Variants in CTC1 observed in about 807,000 individuals in gnomAD.
CTC1 encodes the protein CST complex subunit CTC1.
Under a neutral mutation model 136.3 loss-of-function variants are expected in CTC1, and 91 were observed. The observed-to-expected ratio is 0.67, with a 90% CI of 0.56 to 0.79. The LOEUF (loss-of-function observed/expected upper bound fraction) is 0.79, where lower values mean the gene tolerates loss of function less well. CTC1 is among the 30% of genes least tolerant of loss of function. CTC1 has a pLI of 0.00. For synonymous variants in CTC1, 606 were observed against 613.8 expected (o/e 0.99, Z 0.19); for missense variants, 1,432 against 1,498.1 (o/e 0.96, Z 0.73).
In CTC1 at chr17:8,226,193, A is replaced by T. The variant is rs774432083; in HGVS notation, c.*1987T>A. 6.6e-6 allele frequency: 1 copy of T among 152,228 alleles called. No individual in the cohort carries two copies. The highest frequency in any genetic ancestry group is 2.4e-5 in the African/African-American group (1 of 41,446). The allele number at this position is 152,228 out of a possible 1,614,324, so 9.4% of individuals were successfully genotyped here. A position where few individuals can be genotyped will look rare whatever the true frequency, so the allele number is the denominator to read the frequency against. On this transcript the variant is annotated 3_prime_UTR_variant, in exon 23 of 23. Coordinates refer to ENST00000651323, the MANE Select transcript of CTC1 (RefSeq NM_025099.6). ...TGATATAAAAACAATACATGAAAGG[A>T]TGTGGATTTAGCCGCAAAATCACGC...
chr17:8,229,822 G>A (rs1987054439), intron 18 of CTC1, 69 bp downstream of exon 18: 1 of 1,342,366 alleles, frequency 7.4e-7, no homozygotes, highest in Non-Finnish European at 1.1e-6. Flanking sequence ...AAAATCTTCA[G>A]AACCAGGGAC....
In CTC1 at chr17:8,230,486, G is replaced by A. The variant is rs751836178; in HGVS notation, c.2759-18C>T. 5.0e-6 allele frequency: 8 copies of A among 1,613,682 alleles called. No homozygotes were observed. In the East Asian group the frequency reaches 1.8e-4, roughly 36 times the overall value. On this transcript the variant is annotated intron_variant, in intron 16 of 22. Coordinates refer to ENST00000651323, the MANE Select transcript of CTC1 (RefSeq NM_025099.6). ...CGTGTTCCCTATAGAAGGAAGGTGG[G>A]TGTTAGTAGGATCTGTGAAGTCCAC...
At position 8,229,224 on chromosome 17, in the gene CTC1, G is replaced by A. The variant is rs759852414; in HGVS notation, c.3157-18C>T. The A allele has an allele frequency of 4.3e-5, 70 of 1,614,084 alleles. 1 individual carries two copies. The South Asian group carries it at 7.5e-4, about 17-fold the overall frequency. ...CACTTTCCCTGGGATGAAGACAGTG[G>A]TTGGAAAAGTCCTCTTGGTCCCATC... On this transcript the variant is annotated intron_variant, in intron 19 of 22. Transcript: ENST00000651323.
In CTC1 at chr17:8,244,164, T is replaced by G. The variant is rs538283784; in HGVS notation, c.34-1016A>C. Among the ~76,000 whole-genome samples the G allele has an allele frequency of 3.3e-4, 50 of 152,332 alleles. No homozygotes were observed. The South Asian group carries it at 5.0e-3, about 15-fold the overall frequency. ...ACATAAAAAGGACATAGGCAGAGTATAATTTTTAATCATCTCCTTTTTTTA... is the reference window on the plus strand; with the variant it reads ...ACATAAAAAGGACATAGGCAGAGTAGAATTTTTAATCATCTCCTTTTTTTA... On this transcript the variant is annotated intron_variant, in intron 1 of 22. Transcript: ENST00000651323.
intron 2 of CTC1, among the ~76,000 whole-genome samples, chr17:8,242,214 G>C (rs1042249454): frequency 4.6e-5 from 7 of 151,610 alleles, no homozygotes; most frequent in African/African-American, 1.7e-4. Context: ...ATTTTTTTTA[G>C]TAGAGATGGT....
chr17:8,243,234 T>A (rs892940578), intron 1 of CTC1, 86 bp from the exon 2 acceptor site: 1 of 1,342,554 alleles, frequency 7.4e-7, no homozygotes, highest in East Asian at 2.5e-5. Context: ...GAAAAAAATA[T>A]CCGGGCCGGG....
rs749988882 is a variant in CTC1 at position 8,228,149 on chromosome 17, G to T, written c.*31C>A. ...CCTAGGCCTTCAGGTTTTCAGCAAG[G>T]AAGGACTCTCAGGCCATCCTTGCAG... is the stretch of plus-strand genomic sequence containing the variant. On this transcript the variant is annotated 3_prime_UTR_variant, in exon 23 of 23. Coordinates refer to ENST00000651323, the MANE Select transcript of CTC1 (RefSeq NM_025099.6). The T allele has an allele frequency of 1.2e-6, 2 of 1,605,024 alleles. No individual in the cohort carries two copies. Among genetic ancestry groups the T allele is most frequent in the Non-Finnish European group, 1.7e-6 (2 of 1,172,476 alleles).
chr17:8,238,082 G>T lies in CTC1; in HGVS notation c.596C>A (p.Thr199Lys), dbSNP rs747323535. 2 of 1,614,044 alleles carry T rather than the reference G, an allele frequency of 1.2e-6. No homozygotes were observed. Among genetic ancestry groups the T allele is most frequent in the South Asian group, 2.2e-5 (2 of 91,084 alleles). The part of the protein sequence containing the change: ...FPLTISPGPV[T>K]PIPVLYPESA... Reference sequence around the variant, plus strand: ...CTCTGGGTAGAGGACAGGGATAGGCGTGACGGGGCCAGGACTGATGGTCAA... The same window carrying T: ...CTCTGGGTAGAGGACAGGGATAGGCTTGACGGGGCCAGGACTGATGGTCAA... The change falls in exon 4 of 23, where the codon ACG (threonine) becomes AAG (lysine). Residue 199 changes from threonine to lysine, a missense_variant. By Grantham distance (78) the Thr-to-Lys change is moderately conservative (BLOSUM62 -1). Transcript: ENST00000651323.
In CTC1 at chr17:8,230,464, G is replaced by C. The variant is rs370836663; in HGVS notation, c.2763C>G (p.Asn921Lys). Reference protein sequence around the residue: ...LVASLWMKLGNTGAMRRCVKL... With the variant: ...LVASLWMKLGKTGAMRRCVKL... ...TCACACACCTTCTCATGGCCCCCGT[G>C]TTCCCTATAGAAGGAAGGTGGGTGT... The change falls in exon 17 of 23, where the codon AAC becomes AAG. Residue 921 changes from asparagine (N) to lysine (K), a missense_variant. By Grantham distance (94) the Asn-to-Lys change is moderately conservative. Coordinates refer to ENST00000651323, the MANE Select transcript of CTC1 (RefSeq NM_025099.6). 2.5e-6 allele frequency: 4 copies of C among 1,613,792 alleles called. No individual in the cohort carries two copies. Among genetic ancestry groups the C allele is most frequent in the Non-Finnish European group, 3.4e-6 (4 of 1,179,880 alleles).
intron 10 of CTC1, chr17:8,233,335 G>T: frequency 3.7e-6 from 1 of 269,442 alleles, no homozygotes; most frequent in Admixed American, 5.7e-5. Flanking sequence ...GGCACGCAAA[G>T]AATTTAAGCT....
chr17:8,232,872 A>G, intron 11 of CTC1, 34 bp downstream of exon 11: 1 of 1,610,408 alleles, frequency 6.2e-7, no homozygotes, highest in Non-Finnish European at 8.5e-7. Context: ...CCACCATCCC[A>G]CTACCATCTT....
At chr17:8,240,266 T>C (rs1401555376) in intron 2 of CTC1, among the ~76,000 whole-genome samples, 2 of 151,288 alleles carry the variant, frequency 1.3e-5, no homozygotes, top group Non-Finnish European at 2.9e-5. Flanking sequence ...GCAATTCTCC[T>C]GTCTCAGCCT....
At position 8,238,454 on chromosome 17, in the gene CTC1, C is replaced by CCA. The variant is rs778525768; in HGVS notation, c.371_372dup (p.Glu125TrpfsTer12). On this transcript the variant is annotated frameshift_variant, in exon 3 of 23. Transcript: ENST00000651323. LOFTEE classifies it high-confidence loss of function. ...AGGCTTCCGTTCCTGCACTCTTGTT[C>CCA]CAAGTCTGCCGATAGGTCTGTTAGT... 4.3e-6 allele frequency: 7 copies of CCA among 1,614,196 alleles called. No homozygotes were observed. The highest frequency in any genetic ancestry group is 4.2e-6 in the Non-Finnish European group (5 of 1,180,040).
Position 8,232,470 on chromosome 17 carries a change from G to C in CTC1, c.1951C>G (p.Leu651Val). Residue 651 changes from leucine to valine, a missense_variant, in exon 12 of 23, where the codon CTG (leucine) becomes GTG (valine). Leu to Val is a conservative substitution (Grantham distance 32). Coordinates refer to ENST00000651323, the MANE Select transcript of CTC1 (RefSeq NM_025099.6). ...AACTGAAACCTCTCTGCCCGCACCA[G>C]GCAGCCTAGAGGAAGAAAGTTTTCT... ...PLSDPRLIGC[L>V]VRAERFQLIV... The C allele has an allele frequency of 6.2e-7, 1 of 1,613,536 alleles. No homozygotes were observed. The highest frequency in any genetic ancestry group is 2.2e-5 in the East Asian group (1 of 44,878).
Position 8,229,332 on chromosome 17 carries a change from C to T in CTC1, c.3126G>A (p.Val1042=), listed in dbSNP as rs1284891424. 6.2e-7 allele frequency: 1 copy of T among 1,614,226 alleles called. No homozygotes were observed. Among genetic ancestry groups the T allele is most frequent in the Admixed American group, 1.7e-5 (1 of 60,028 alleles). The part of the protein sequence containing the change: ...VSVFSLQLFW[V]CAYCTSICRQ... ...GGCAGATGCTGGTACAATAAGCACA[C>T]ACCCAGAAGAGCTGAAGGCTGAAGA... The change falls in exon 19 of 23, where the codon GTG becomes GTA. Residue 1042 remains valine (V), a synonymous_variant. Transcript: ENST00000651323.
At chr17:8,245,506 G>A (rs1988601748) in intron 1 of CTC1, among the ~76,000 whole-genome samples, 1 of 151,972 alleles carries the variant, frequency 6.6e-6, no homozygotes, top group African/African-American at 2.4e-5. Flanking sequence ...GTATTCTTTT[G>A]TAGTTCCTGT....
chr17:8,241,002 C>A (rs1375980693), intron 2 of CTC1, among the ~76,000 whole-genome samples: 2 of 151,062 alleles, frequency 1.3e-5, no homozygotes, highest in Non-Finnish European at 3.0e-5. Context: ...TGCATATACA[C>A]TATGGGCCGG....
chr17:8,228,107 A>G lies in CTC1; in HGVS notation c.*73T>C. 7.1e-7 allele frequency: 1 copy of G among 1,403,218 alleles called. No homozygotes were observed. Among genetic ancestry groups the G allele is most frequent in the African/African-American group, 1.4e-5 (1 of 70,300 alleles). The allele number at this position is 1,403,218 out of a possible 1,614,324, so 86.9% of individuals were successfully genotyped here. On this transcript the variant is annotated 3_prime_UTR_variant, in exon 23 of 23. Transcript: ENST00000651323. ...TCCTTGGTTCAATCACAGAACAAGT[A>G]GGGAGAGGAGCCAGGACCTAGGCCT...
In CTC1 at chr17:8,242,551, AAAATATAT is replaced by A. The variant is rs1407374871; in HGVS notation, c.197+426_197+433del. Among the ~76,000 whole-genome samples, 16 of 45,280 alleles carry A rather than the reference AAAATATAT, an allele frequency of 3.5e-4. 1 individual carries two copies. In the South Asian group the frequency reaches 5.1e-3, roughly 15 times the overall value. 29.7% of individuals were successfully genotyped at this position (45,280 alleles called of 152,430 possible). On this transcript the variant is annotated intron_variant, in intron 2 of 22. Transcript: ENST00000651323. ...GTAGAGAGAAAAAAAAAAAAAAAAA[AAAATATAT>A]ATATATATATATATATATATACACA... is the stretch of plus-strand genomic sequence containing the variant.
Sources: gnomAD v4.1 joint callset for allele counts (sites outside exome capture counted in the v4.1 genomes callset) on GRCh38, gnomAD v4.1.1 for gene constraint, MANE v1.5 for transcripts, NCBI Gene and HGNC (gene_info 2026-07-23, HGNC 2026-07-21) for gene names.